The following DRD3 variants were observed in gnomAD, a reference collection of about 807,000 sequenced individuals.
DRD3 encodes D(3) dopamine receptor.
In DRD3, 19 loss-of-function variants were observed where a neutral mutation model predicts 36.3. The observed-to-expected ratio is 0.52, with a 90% CI of 0.36 to 0.77. The LOEUF is 0.77. DRD3 is among the 30% of genes least tolerant of loss of function. The probability of loss-of-function intolerance (pLI) is 0.00; values close to 1 mark genes in which losing one functional copy is unlikely to be tolerated. For synonymous variants in DRD3, 195 were observed against 203.7 expected (o/e 0.96, Z 0.36); for missense variants, 465 against 505.3 (o/e 0.92, Z 0.77).
rs189697022 is a variant in DRD3 at position 114,152,677 on chromosome 3, T to C, written c.384-5120A>G. On this transcript the variant is annotated intron_variant, in intron 3 of 6. Transcript: ENST00000383673. Reference sequence around the variant, plus strand: ...AGAAGTTCACTGCTCACCTGGGGGCTCTCCAGGCTCTGTGGGGAGGCAGAG... The same window carrying C: ...AGAAGTTCACTGCTCACCTGGGGGCCCTCCAGGCTCTGTGGGGAGGCAGAG... Among the ~76,000 whole-genome samples the C allele has an allele frequency of 3.0e-3, 460 of 152,244 alleles. 3 individuals carry two copies. Among genetic ancestry groups the C allele is most frequent in the Non-Finnish European group, 4.1e-3 (279 of 68,008 alleles).
chr3:114,172,575 C>T (rs907348643), intron 1 of DRD3, among the ~76,000 whole-genome samples: 5 of 152,162 alleles, frequency 3.3e-5, no homozygotes, highest in African/African-American at 1.2e-4. Flanking sequence ...GTGAGGTAGA[C>T]AGATTGTGCA....
At chr3:114,183,863 G>A (rs1269163507), upstream of DRD3, among the ~76,000 whole-genome samples, 1 of 151,852 alleles carries the variant, frequency 6.6e-6, no homozygotes, top group Non-Finnish European at 1.5e-5. Flanking sequence ...TGGATCTAAA[G>A]TTAGTTTCTT....
At chr3:114,140,083 G>A (rs1261418766) in intron 4 of DRD3, among the ~76,000 whole-genome samples, 1 of 152,194 alleles carries the variant, frequency 6.6e-6, no homozygotes, top group African/African-American at 2.4e-5. Context: ...AGGGCAACAG[G>A]GCAGAGGCTC....
intron 2 of DRD3, among the ~76,000 whole-genome samples, chr3:114,161,779 A>G (rs774068872): frequency 2.6e-5 from 4 of 152,236 alleles, no homozygotes; most frequent in Non-Finnish European, 5.9e-5. Context: ...CCAAGAGAAT[A>G]AAAGAAGGTT....
At chr3:114,149,293 C>T (rs2077595730) in intron 3 of DRD3, among the ~76,000 whole-genome samples, 7 of 152,130 alleles carry the variant, frequency 4.6e-5, no homozygotes, top group Admixed American at 3.9e-4. Context: ...CGAGAGGGAG[C>T]CAGCCATGAG....
intron 1 of DRD3, among the ~76,000 whole-genome samples, chr3:114,194,874 G>C (rs1260279166): frequency 6.7e-6 from 1 of 150,230 alleles, no homozygotes; most frequent in African/African-American, 2.5e-5. Context: ...GTCTCCTGCT[G>C]TCAAGTCATT....
At chr3:114,193,333 A>G (rs1026804616) in intron 1 of DRD3, among the ~76,000 whole-genome samples, 1 of 152,192 alleles carries the variant, frequency 6.6e-6, no homozygotes. Flanking sequence ...TTCATAACAT[A>G]TAGTTTGAAA....
At chr3:114,144,894 T>G (rs1009798181) in intron 4 of DRD3, among the ~76,000 whole-genome samples, 1 of 152,144 alleles carries the variant, frequency 6.6e-6, no homozygotes, top group African/African-American at 2.4e-5. Flanking sequence ...TACTTAAAAA[T>G]CCTTTTGGAA....
intron 2 of DRD3, among the ~76,000 whole-genome samples, chr3:114,169,323 T>G (rs2077816822): frequency 6.7e-6 from 1 of 150,050 alleles, no homozygotes. Context: ...CTTTAGGGCC[T>G]CTTTTTGGTC....
intron 3 of DRD3, among the ~76,000 whole-genome samples, chr3:114,148,564 C>G (rs1471191953): frequency 6.6e-6 from 1 of 152,080 alleles, no homozygotes; most frequent in Non-Finnish European, 1.5e-5. Flanking sequence ...CCACAGTCAA[C>G]TCAAACTCAA....
intron 1 of DRD3, among the ~76,000 whole-genome samples, chr3:114,187,303 G>A (rs545873982): frequency 2.0e-5 from 3 of 152,262 alleles, no homozygotes; most frequent in South Asian, 4.1e-4. Flanking sequence ...CTTTATAATG[G>A]TTTGATCTCT....
chr3:114,187,582 G>T (rs2077982537), intron 1 of DRD3, among the ~76,000 whole-genome samples: 5 of 152,128 alleles, frequency 3.3e-5, no homozygotes, highest in Admixed American at 2.6e-4. Context: ...ATTGAAATGT[G>T]GTCATTCCCA....
intron 1 of DRD3, among the ~76,000 whole-genome samples, chr3:114,190,598 C>A (rs1381488090): frequency 2.2e-4 from 31 of 143,998 alleles, no homozygotes; most frequent in African/African-American, 7.9e-4. Context: ...TCTCTTTTGA[C>A]TTTATGCTGT....
intron 5 of DRD3, among the ~76,000 whole-genome samples, chr3:114,138,406 G>A (rs1477044857): frequency 2.0e-5 from 3 of 152,152 alleles, no homozygotes; most frequent in Non-Finnish European, 4.4e-5. Flanking sequence ...TCACAATCAT[G>A]GTGGAAGGTG....
chr3:114,153,874 G>A (rs2077641304), intron 3 of DRD3, among the ~76,000 whole-genome samples: 1 of 152,130 alleles, frequency 6.6e-6, no homozygotes, highest in African/African-American at 2.4e-5. Context: ...TGTCGTGAAG[G>A]TTAGCAATAA....
chr3:114,155,522 T>C (rs2077658319), intron 3 of DRD3, among the ~76,000 whole-genome samples: 1 of 152,208 alleles, frequency 6.6e-6, no homozygotes, highest in African/African-American at 2.4e-5. Flanking sequence ...AGGTGTGTTT[T>C]AGGCATGGCT....
At chr3:114,147,819 C>T (rs1559986932) in intron 3 of DRD3, among the ~76,000 whole-genome samples, 2 of 152,082 alleles carry the variant, frequency 1.3e-5, no homozygotes. Context: ...TGGGGTCTTA[C>T]TTTGTTGCCC....
At chr3:114,175,509 T>C (rs943110177) in intron 1 of DRD3, among the ~76,000 whole-genome samples, 12 of 152,170 alleles carry the variant, frequency 7.9e-5, no homozygotes, top group African/African-American at 2.9e-4. Flanking sequence ...TTGAAACAAT[T>C]AGCTGAGAGA....
intron 3 of DRD3, among the ~76,000 whole-genome samples, chr3:114,150,799 C>T (rs55919128): frequency 0.011 from 1,600 of 152,318 alleles, 17 homozygotes; most frequent in Non-Finnish European, 0.015. Flanking sequence ...TCCTGAGGCT[C>T]CTCCTGTGTG....
Sources: allele counts gnomAD v4.1 joint callset (sites outside exome capture counted in the v4.1 genomes callset), GRCh38; gene constraint gnomAD v4.1.1; transcripts MANE v1.5; gene names NCBI Gene and HGNC (gene_info 2026-07-23, HGNC 2026-07-21).